The following RARB variants were observed in gnomAD, a reference collection of about 807,000 sequenced individuals.
RARB encodes the protein retinoic acid receptor beta, also known as HBV-activated protein.
RARB carries 17 observed loss-of-function variants against 51.9 expected under a neutral mutation model. The observed-to-expected ratio is 0.33, with a 90% CI of 0.22 to 0.49. The LOEUF (loss-of-function observed/expected upper bound fraction) is 0.49. Among genes scored for constraint, RARB ranks in the 20% least tolerant of loss-of-function variants. The pLI is 0.99. For missense variants in RARB, 369 were observed against 550.8 expected, an observed-to-expected ratio of 0.67 and a Z score of 3.30; for synonymous variants, 215 against 195.4, an observed-to-expected ratio of 1.10 and a Z score of -0.84.
upstream of RARB, among the ~76,000 whole-genome samples, chr3:25,427,170 A>G (rs2125510982): frequency 6.6e-6 from 1 of 152,300 alleles, no homozygotes; most frequent in East Asian, 1.9e-4. Context: ...TTGGACTTTC[A>G]TCCTAGGGAG....
intron 5 of RARB, among the ~76,000 whole-genome samples, chr3:25,208,107 G>A (rs184798121): frequency 1.3e-5 from 2 of 152,220 alleles, no homozygotes; most frequent in African/African-American, 2.4e-5. Flanking sequence ...GGACAGTGCC[G>A]AGGGGATGGT....
intron 2 of RARB, among the ~76,000 whole-genome samples, chr3:25,021,637 G>C (rs772326203): frequency 2.2e-4 from 33 of 151,902 alleles, no homozygotes; most frequent in Non-Finnish European, 3.5e-4. Context: ...TCATTCACTT[G>C]AGAGTATTTT....
chr3:25,576,225 A>G (rs2125298002), intron 4 of RARB, among the ~76,000 whole-genome samples: 1 of 152,278 alleles, frequency 6.6e-6, no homozygotes, highest in South Asian at 2.1e-4. Context: ...TGTGAACATT[A>G]GCCCTAGGGA....
rs1340320824 is a variant in RARB, at chr3:25,367,654, A to ATT, written c.179-93539_179-93538insTT. ...AACATGGTAAAAACCCATCTCTATA[A>ATT]AAAAAAAAAAAAAATACCAAAATTA... is the stretch of plus-strand genomic sequence containing the variant. On this transcript the variant is annotated intron_variant, in intron 5 of 11. Transcript: ENST00000383772. 2.0e-4 allele frequency among the ~76,000 whole-genome samples: 5 copies of ATT among 24,980 alleles called. No individual in the cohort carries two copies. In the East Asian group the frequency reaches 0.069, roughly 347 times the overall value. The allele number at this position is 24,980 out of a possible 152,430, so 16.4% of individuals were successfully genotyped here.
intron 3 of RARB, among the ~76,000 whole-genome samples, chr3:25,533,899 C>A (rs921670729): frequency 1.3e-5 from 2 of 152,174 alleles, no homozygotes; most frequent in Admixed American, 6.5e-5. Context: ...ATCTTTAAAT[C>A]CTGGTTTTCT....
chr3:25,357,051 A>T (rs1295192233), intron 5 of RARB, among the ~76,000 whole-genome samples: 2 of 152,140 alleles, frequency 1.3e-5, no homozygotes, highest in African/African-American at 2.4e-5. Context: ...TGCTGGGTCA[A>T]ATGGTATTTC....
At position 25,218,947 on chromosome 3, in the gene RARB, C is replaced by T. The variant is rs1575229162; in HGVS notation, c.178+44372C>T. ...TTTCTACCTTCACGCTTGCCTTGCT[C>T]TCCTGGTGAGATGGATCTTGGCCTT... On this transcript the variant is annotated intron_variant, in intron 5 of 11. Transcript: ENST00000383772. Among the ~76,000 whole-genome samples the T allele has an allele frequency of 1.3e-5, 2 of 152,296 alleles. 1 individual carries two copies. The highest frequency in any genetic ancestry group is 4.1e-4 in the South Asian group (2 of 4,826).
intron 4 of RARB, among the ~76,000 whole-genome samples, chr3:25,572,675 C>T (rs1433941290): frequency 6.6e-6 from 1 of 152,150 alleles, no homozygotes; most frequent in Non-Finnish European, 1.5e-5. Flanking sequence ...AATCTTGTAG[C>T]TCCAAGAAAG....
At chr3:25,219,491 T>A (rs1701900427) in intron 5 of RARB, among the ~76,000 whole-genome samples, 1 of 152,188 alleles carries the variant, frequency 6.6e-6, no homozygotes, top group Non-Finnish European at 1.5e-5. Flanking sequence ...ATCAACAATT[T>A]GCTTTATAAA....
rs1294774936 is a variant in RARB, at chr3:24,958,259, T to TG, written c.-380+99507_-380+99508insG. On this transcript the variant is annotated intron_variant, in intron 2 of 11. Coordinates refer to the RARB transcript ENST00000383772. ...GAAGCTTCCTGAGCTGCTCAGGTTT[T>TG]TTTTTTTTTTTTTTTTTTTTTTTTT... 2.5e-3 allele frequency among the ~76,000 whole-genome samples: 190 copies of TG among 75,084 alleles called. 4 individuals carry two copies. Among genetic ancestry groups the TG allele is most frequent in the East Asian group, 6.7e-3 (14 of 2,100 alleles). The allele number at this position is 75,084 out of a possible 152,430, so 49.3% of individuals were successfully genotyped here. A position where few individuals can be genotyped will look rare whatever the true frequency, so the allele number is the denominator to read the frequency against.
chr3:24,906,782 T>TTG (rs1694874950), intron 2 of RARB, among the ~76,000 whole-genome samples: 2 of 144,620 alleles, frequency 1.4e-5, no homozygotes, highest in African/African-American at 5.2e-5. Context: ...GAGGCAGAGG[T>TTG]TGCAGTGAGC....
In RARB at chr3:25,076,906, T is replaced by C. The variant is rs111566166; in HGVS notation, c.-328+16730T>C. 5.7e-3 allele frequency among the ~76,000 whole-genome samples: 861 copies of C among 152,316 alleles called. 16 individuals carry two copies. In the East Asian group the frequency reaches 0.062, roughly 11 times the overall value. ...AGACATTTCCCATGACAGTGGGATT[T>C]CTAGGACAAATCTGGTCCAATATGA... On this transcript the variant is annotated intron_variant, in intron 3 of 11. Transcript: ENST00000383772.
In RARB at chr3:25,468,833, T is replaced by A. The variant is rs75301871; in HGVS notation, c.306+7492T>A. Among the ~76,000 whole-genome samples, 489 of 152,316 alleles carry A rather than the reference T, an allele frequency of 3.2e-3. 3 individuals are homozygous for A. Among genetic ancestry groups the A allele is most frequent in the African/African-American group, 0.011 (452 of 41,576 alleles). On this transcript the variant is annotated intron_variant, in intron 2 of 7. Coordinates refer to ENST00000330688, the MANE Select transcript of RARB (RefSeq NM_000965.5). ...CATGGGCATGTTCCCAGATGCAGCTTTGTCCTTGCTCTCTACATTTTGCCT... is the reference window on the plus strand; with the variant it reads ...CATGGGCATGTTCCCAGATGCAGCTATGTCCTTGCTCTCTACATTTTGCCT...
chr3:25,247,892 T>C (rs1702607101), intron 5 of RARB, among the ~76,000 whole-genome samples: 1 of 152,226 alleles, frequency 6.6e-6, no homozygotes, highest in African/African-American at 2.4e-5. Flanking sequence ...TAATGTTAGA[T>C]CCATTAGTCT....
At chr3:25,571,399 G>A (rs758630328) in intron 4 of RARB, among the ~76,000 whole-genome samples, 2 of 152,180 alleles carry the variant, frequency 1.3e-5, no homozygotes, top group Admixed American at 6.5e-5. Context: ...CAAATGAGCC[G>A]GGCTTTGAGA....
At chr3:24,892,879 C>A (rs537385034) in intron 2 of RARB, among the ~76,000 whole-genome samples, 1 of 152,180 alleles carries the variant, frequency 6.6e-6, no homozygotes, top group African/African-American at 2.4e-5. Context: ...GAGTAGTTAA[C>A]CTGCCTGCCA....
At chr3:24,846,317 T>G (rs1702485282) in intron 1 of RARB, among the ~76,000 whole-genome samples, 2 of 152,168 alleles carry the variant, frequency 1.3e-5, no homozygotes, top group Admixed American at 1.3e-4. Context: ...TGTTAAGTAT[T>G]TAAGACAATA....
chr3:25,135,090 A>G, intron 4 of RARB, among the ~76,000 whole-genome samples: 1 of 150,614 alleles, frequency 6.6e-6, no homozygotes, highest in East Asian at 1.9e-4. Context: ...TAGGCCTAGG[A>G]CCATGCTTCC....
chr3:25,031,116 C>T (rs569831823), intron 2 of RARB, among the ~76,000 whole-genome samples: 3 of 152,244 alleles, frequency 2.0e-5, no homozygotes, highest in African/African-American at 7.2e-5. Context: ...GCAGCATCCC[C>T]GGCCTCAACT....
Sources: gnomAD v4.1 joint callset for allele counts (sites outside exome capture counted in the v4.1 genomes callset) on GRCh38, gnomAD v4.1.1 for gene constraint, MANE v1.5 for transcripts, NCBI Gene and HGNC (gene_info 2026-07-23, HGNC 2026-07-21) for gene names.